ANO3: variants seen among roughly 807,000 people sequenced by gnomAD.
ANO3 encodes the protein anoctamin 3.
Under a neutral mutation model 144.8 loss-of-function variants are expected in ANO3, and 99 were observed. The observed-to-expected ratio is 0.68, with a 90% confidence interval of 0.58 to 0.81. ANO3 has a LOEUF of 0.81. Among genes scored for constraint, ANO3 ranks in the 30% least tolerant of loss-of-function variants. The pLI is 0.00. For missense variants in ANO3, 905 were observed against 1,202.2 expected (o/e 0.75, Z 3.66); for synonymous variants, 414 against 392.6 (o/e 1.05, Z -0.64).
rs1564947770 is a variant in ANO3 at position 26,283,326 on chromosome 11, ATATATATATAT to A, written c.155-26318_155-26308del. ...CCAAAATAAACAAATAAATAAATAT[ATATATATATAT>A]ATATATATATATATATATATATATA... On this transcript the variant is annotated intron_variant, in intron 1 of 27. Transcript: ENST00000672621. Among the ~76,000 whole-genome samples, 162 of 19,332 alleles carry A rather than the reference ATATATATATAT, an allele frequency of 8.4e-3. 1 individual carries two copies. Among genetic ancestry groups the A allele is most frequent in the African/African-American group, 0.052 (161 of 3,068 alleles). 12.7% of individuals were successfully genotyped at this position (19,332 alleles called of 152,430 possible). A position where few individuals can be genotyped will look rare whatever the true frequency, so the allele number is the denominator to read the frequency against.
At chr11:26,255,291 G>C (rs143763003) in intron 1 of ANO3, among the ~76,000 whole-genome samples, 2,556 of 152,190 alleles carry the variant, frequency 0.017, 30 homozygotes, top group Non-Finnish European at 0.024. Context: ...CACTAGTGTT[G>C]TGCGATTGGA....
upstream of ANO3, among the ~76,000 whole-genome samples, chr11:26,328,175 C>T (rs11826153): frequency 0.038 from 5,765 of 152,246 alleles, 380 homozygotes; most frequent in African/African-American, 0.13. Context: ...CTTCTGAATG[C>T]TACTCGGAGC....
At chr11:26,470,437 A>AAG (rs1859740126) in intron 4 of ANO3, among the ~76,000 whole-genome samples, 1 of 151,706 alleles carries the variant, frequency 6.6e-6, no homozygotes, top group African/African-American at 2.4e-5. Context: ...AGAAAAAAAA[A>AAG]AAAGCAAGAA....
At chr11:26,299,405 A>G (rs1214194159) in intron 1 of ANO3, among the ~76,000 whole-genome samples, 1 of 152,240 alleles carries the variant, frequency 6.6e-6, no homozygotes, top group Non-Finnish European at 1.5e-5. Flanking sequence ...TAAATACTGT[A>G]GAGGATTTTT....
intron 5 of ANO3, 31 bp from the exon 6 acceptor site, chr11:26,516,796 A>G (rs2079769563): frequency 6.8e-7 from 1 of 1,471,888 alleles, no homozygotes; most frequent in Non-Finnish European, 9.5e-7. Context: ...CTGATTCTAA[A>G]TAATGTTGCC....
At chr11:26,465,128 G>GTT (rs1256709703) in intron 4 of ANO3, among the ~76,000 whole-genome samples, 1 of 38,374 alleles carries the variant, frequency 2.6e-5, no homozygotes, top group Non-Finnish European at 5.6e-5. Context: ...ATTAAATTGT[G>GTT]TGTGTGTGTG....
chr11:26,643,481 C>T (rs569471836), intron 23 of ANO3, 147 bp downstream of exon 23: 18 of 992,166 alleles, frequency 1.8e-5, no homozygotes, highest in South Asian at 1.2e-4. Flanking sequence ...GCTGGCCGGG[C>T]GTGGTGGCTC....
intron 1 of ANO3, among the ~76,000 whole-genome samples, chr11:26,198,739 G>T (rs1168672766): frequency 6.6e-6 from 1 of 152,146 alleles, no homozygotes; most frequent in East Asian, 1.9e-4. Flanking sequence ...TGTGGCTATG[G>T]AAGTTGTTGA....
intron 1 of ANO3, among the ~76,000 whole-genome samples, chr11:26,366,296 C>T (rs997257966): frequency 6.6e-6 from 1 of 152,126 alleles, no homozygotes; most frequent in African/African-American, 2.4e-5. Flanking sequence ...TTTCTGGCTT[C>T]ATCCATGTCC....
intron 14 of ANO3, among the ~76,000 whole-genome samples, chr11:26,568,362 A>T (rs1209803591): frequency 1.3e-5 from 2 of 151,992 alleles, no homozygotes. Flanking sequence ...TTGGATTCAA[A>T]CCTTGACATG....
intron 1 of ANO3, among the ~76,000 whole-genome samples, chr11:26,191,522 C>T (rs1182700093): frequency 2.6e-5 from 4 of 152,062 alleles, no homozygotes; most frequent in African/African-American, 7.2e-5. Flanking sequence ...AAATATTTCC[C>T]GAAGCACAAC....
At chr11:26,387,837 A>G (rs1564996787) in intron 1 of ANO3, among the ~76,000 whole-genome samples, 1 of 151,992 alleles carries the variant, frequency 6.6e-6, no homozygotes, top group Admixed American at 6.6e-5. Flanking sequence ...TATGTCCGGA[A>G]CCACTCCCAC....
intron 1 of ANO3, among the ~76,000 whole-genome samples, chr11:26,313,378 A>C (rs1227281518): frequency 2.6e-5 from 4 of 152,140 alleles, no homozygotes; most frequent in Non-Finnish European, 5.9e-5. Flanking sequence ...GAGTCTCTTA[A>C]TTTTTATTAG....
At chr11:26,442,210 G>C (rs993235113) in intron 2 of ANO3, 98 bp downstream of exon 2, 1 of 1,216,196 alleles carries the variant, frequency 8.2e-7, no homozygotes, top group African/African-American at 1.5e-5. Context: ...GTTTTATAGA[G>C]CTCTTCAGGA....
rs202233143 is a variant in ANO3, at chr11:26,564,766, T to C, written c.1447+4987T>C. On this transcript the variant is annotated intron_variant, in intron 14 of 26. Coordinates refer to ENST00000256737, the MANE Select transcript of ANO3 (RefSeq NM_031418.4). ...ATATATATATATATATATATATATA[T>C]ATATATATATATATATATAAGTTCA... Among the ~76,000 whole-genome samples, 21 of 99,050 alleles carry C rather than the reference T, an allele frequency of 2.1e-4. 1 individual carries two copies. The highest frequency in any genetic ancestry group is 5.7e-4 in the Admixed American group (5 of 8,716). The allele number at this position is 99,050 out of a possible 152,430, so 65.0% of individuals were successfully genotyped here. A position where few individuals can be genotyped will look rare whatever the true frequency, so the allele number is the denominator to read the frequency against.
At chr11:26,659,160 T>C (rs1853798238) in intron 26 of ANO3, among the ~76,000 whole-genome samples, 1 of 135,342 alleles carries the variant, frequency 7.4e-6, no homozygotes. Flanking sequence ...TATTTGTGTG[T>C]GTATGTGTAT....
rs561068198 is a variant in ANO3, at chr11:26,504,935, C to G, written c.433-3169C>G. Among the ~76,000 whole-genome samples, 22 of 142,050 alleles carry G rather than the reference C, an allele frequency of 1.5e-4. No individual in the cohort carries two copies. The South Asian group carries it at 4.3e-3, about 28-fold the overall frequency. The allele number at this position is 142,050 out of a possible 152,430, so 93.2% of individuals were successfully genotyped here. ...GCTGAGGCAGGAGAATGGCGTGAAC[C>G]CTGGAGGCGGAGCTTGCAGTGAGTG... On this transcript the variant is annotated intron_variant, in intron 4 of 26. Transcript: ENST00000256737.
At chr11:26,235,594 C>CTTTTTTT (rs55765741) in intron 1 of ANO3, among the ~76,000 whole-genome samples, 1 of 139,716 alleles carries the variant, frequency 7.2e-6, no homozygotes, top group Non-Finnish European at 1.6e-5. Flanking sequence ...ACAATGTATA[C>CTTTTTTT]TTTTTTTTTT....
At chr11:26,583,863 T>C (rs1851201826) in intron 14 of ANO3, among the ~76,000 whole-genome samples, 1 of 152,190 alleles carries the variant, frequency 6.6e-6, no homozygotes, top group African/African-American at 2.4e-5. Context: ...TAAACTATTG[T>C]TTCAACTGGG....
Sources: allele counts gnomAD v4.1 joint callset (sites outside exome capture counted in the v4.1 genomes callset), GRCh38; gene constraint gnomAD v4.1.1; transcripts MANE v1.5; gene names NCBI Gene and HGNC (gene_info 2026-07-23, HGNC 2026-07-21).